The following SLCO3A1 variants were observed in gnomAD, a reference collection of about 807,000 sequenced individuals.
SLCO3A1 encodes solute carrier organic anion transporter family member 3A1.
In SLCO3A1, 27 loss-of-function variants were observed where a neutral mutation model predicts 63.1. The ratio of observed to expected loss-of-function variants is 0.43; its 90% CI spans 0.32 to 0.59. The LOEUF (loss-of-function observed/expected upper bound fraction) is 0.59. Among genes scored for constraint, SLCO3A1 ranks in the 20% least tolerant of loss-of-function variants. The pLI is 0.09. For missense variants in SLCO3A1, 773 were observed against 945.8 expected (o/e 0.82, Z 2.40); for synonymous variants, 473 against 409.9 (o/e 1.15, Z -1.86).
At chr15:92,090,988 G>A (rs1401754698) in intron 2 of SLCO3A1, among the ~76,000 whole-genome samples, 1 of 152,184 alleles carries the variant, frequency 6.6e-6, no homozygotes, top group African/African-American at 2.4e-5. Context: ...GCTGGGAAGT[G>A]GTAGAGCTGG....
chr15:92,023,874 A>G (rs1214631142), intron 2 of SLCO3A1, among the ~76,000 whole-genome samples: 1 of 152,130 alleles, frequency 6.6e-6, no homozygotes, highest in Admixed American at 6.5e-5. Flanking sequence ...ATTGATCCTT[A>G]CCCTAGAGGG....
chr15:91,900,686 C>T lies in SLCO3A1; in HGVS notation c.181-15307C>T, dbSNP rs1482058562. 1.3e-5 allele frequency among the ~76,000 whole-genome samples: 2 copies of T among 152,282 alleles called. No individual in the cohort carries two copies. The highest frequency in any genetic ancestry group is 6.5e-5 in the Admixed American group (1 of 15,302). ...GGTGGGTAGTGGTATCTCATTGTGA[C>T]ATTTTATTTGCATTTCCCTAAAGAC... On this transcript the variant is annotated intron_variant, in intron 1 of 9. Transcript: ENST00000318445. The surrounding 1 kb of genome is among the most constrained non-coding windows in gnomAD (Gnocchi z 4.3).
chr15:92,019,387 G>A (rs1053582118), intron 2 of SLCO3A1, among the ~76,000 whole-genome samples: 4 of 152,208 alleles, frequency 2.6e-5, no homozygotes, highest in Admixed American at 1.3e-4. Flanking sequence ...GGCAAAGCAT[G>A]TAGCTCTTCC....
rs75758067 is a variant in SLCO3A1, at chr15:92,128,494, TGGGATGGGGCAG to T, written c.1512+23_1512+34del. 0.014 allele frequency: 22,880 copies of T among 1,611,622 alleles called. 1,146 individuals are homozygous for T. The African/African-American group carries it at 0.17, about 12-fold the overall frequency. ...TTTGCTGGCTGCAACAGCACGGTAATGGGATGGGGCAGGGGATGGGGCAGGGGATTCAGGCAG... is the reference window on the plus strand; with the variant it reads ...TTTGCTGGCTGCAACAGCACGGTAATGGGATGGGGCAGGGGATTCAGGCAG... On this transcript the variant is annotated splice_donor_region_variant and intron_variant, in intron 7 of 9. Transcript: ENST00000318445.
chr15:92,139,622 G>T (rs1443505354), intron 7 of SLCO3A1, among the ~76,000 whole-genome samples: 10 of 152,050 alleles, frequency 6.6e-5, no homozygotes, highest in Admixed American at 1.3e-4. Flanking sequence ...CTTTTTGGTT[G>T]GTAAACTACT....
chr15:92,128,524 T>G (rs1039701180), intron 7 of SLCO3A1, 35 bp downstream of exon 7: 1 of 1,576,336 alleles, frequency 6.3e-7, no homozygotes, highest in African/African-American at 1.4e-5. Context: ...GGCAGGGGAT[T>G]CAGGCAGCTA....
chr15:91,979,325 A>G (rs764664483), intron 2 of SLCO3A1, among the ~76,000 whole-genome samples: 4 of 152,236 alleles, frequency 2.6e-5, no homozygotes, highest in Non-Finnish European at 5.9e-5. Flanking sequence ...ATTTGATACA[A>G]TAGTCTAACT....
At chr15:92,075,301 A>T (rs1226852959) in intron 2 of SLCO3A1, among the ~76,000 whole-genome samples, 1 of 152,024 alleles carries the variant, frequency 6.6e-6, no homozygotes, top group Admixed American at 6.6e-5. Flanking sequence ...ATTACATGGC[A>T]CGGCTTCTAG....
At chr15:91,857,345 G>A (rs969122379) in intron 1 of SLCO3A1, among the ~76,000 whole-genome samples, 2 of 152,028 alleles carry the variant, frequency 1.3e-5, no homozygotes, top group Non-Finnish European at 2.9e-5. Context: ...AATCTATTAC[G>A]GTTACAAACA....
chr15:91,888,563 T>G (rs1200282536), intron 1 of SLCO3A1, among the ~76,000 whole-genome samples: 1 of 152,148 alleles, frequency 6.6e-6, no homozygotes, highest in Non-Finnish European at 1.5e-5. Flanking sequence ...TCTCAATTTT[T>G]TTTCCTACAA....
chr15:91,916,549 A>G lies in SLCO3A1; in HGVS notation c.646+91A>G, dbSNP rs1325170837. 35 of 969,060 alleles carry G rather than the reference A, an allele frequency of 3.6e-5. No homozygotes were observed. Among genetic ancestry groups the G allele is most frequent in the Non-Finnish European group, 5.0e-5 (33 of 655,050 alleles). The allele number at this position is 969,060 out of a possible 1,614,324, so 60.0% of individuals were successfully genotyped here. On this transcript the variant is annotated intron_variant, in intron 2 of 9. Coordinates refer to ENST00000318445, the MANE Select transcript of SLCO3A1 (RefSeq NM_013272.4). This position sits in a 1 kb window ranked among gnomAD's most constrained non-coding sequence, Gnocchi z 6.2. ...TGGTGGACTTTGATTTTGCCAGAGTACTGGTTCTCAGACTTGGCTGCACAC... is the reference window on the plus strand; with the variant it reads ...TGGTGGACTTTGATTTTGCCAGAGTGCTGGTTCTCAGACTTGGCTGCACAC...
In SLCO3A1 at chr15:91,967,959, C is replaced by T. The variant is rs896075099; in HGVS notation, c.646+51501C>T. On this transcript the variant is annotated intron_variant, in intron 2 of 9. Transcript: ENST00000318445. The surrounding 1 kb of genome is among the most constrained non-coding windows in gnomAD (Gnocchi z 4.4). ...GCTCTCTTCCCTCCTCTTTGCTCCCCTCTTCCTGCAGAGATGCAAGATGGC... is the reference window on the plus strand; with the variant it reads ...GCTCTCTTCCCTCCTCTTTGCTCCCTTCTTCCTGCAGAGATGCAAGATGGC... Among the ~76,000 whole-genome samples, 30 of 152,222 alleles carry T rather than the reference C, an allele frequency of 2.0e-4. No homozygotes were observed. The highest frequency in any genetic ancestry group is 3.3e-4 in the Admixed American group (5 of 15,282).
chr15:91,929,727 C>T (rs560512487), intron 2 of SLCO3A1, among the ~76,000 whole-genome samples: 1 of 152,274 alleles, frequency 6.6e-6, no homozygotes, highest in Admixed American at 6.5e-5. Context: ...CTGGCAACCA[C>T]CATTCTACTT....
At chr15:92,089,599 G>C (rs113918543) in intron 2 of SLCO3A1, among the ~76,000 whole-genome samples, 1 of 152,186 alleles carries the variant, frequency 6.6e-6, no homozygotes, top group South Asian at 2.1e-4. Context: ...TTTGTTGACC[G>C]AGAGTGGTGG....
intron 2 of SLCO3A1, among the ~76,000 whole-genome samples, chr15:92,045,823 A>G (rs1272204447): frequency 6.6e-6 from 1 of 152,188 alleles, no homozygotes; most frequent in Non-Finnish European, 1.5e-5. Context: ...GCCTCCTTGC[A>G]AAGTAGATAG....
intron 2 of SLCO3A1, among the ~76,000 whole-genome samples, chr15:92,074,787 G>T (rs988857823): frequency 2.0e-5 from 3 of 151,552 alleles, no homozygotes; most frequent in South Asian, 2.1e-4. Context: ...GCGGTGGGGG[G>T]TGGCCAGGAG....
Position 91,865,942 on chromosome 15 carries a change from G to A in SLCO3A1, c.180+11854G>A, listed in dbSNP as rs1266261341. On this transcript the variant is annotated intron_variant, in intron 1 of 9. Transcript: ENST00000318445. This position sits in a 1 kb window ranked among gnomAD's most constrained non-coding sequence, Gnocchi z 4.6. The stretch of plus-strand genomic sequence containing the variant: ...ACAAAGGCAAACTCTGTCTTCTTAA[G>A]TGTTTGGGTGAGGTAGGAGGATTGT... 6.6e-6 allele frequency among the ~76,000 whole-genome samples: 1 copy of A among 152,232 alleles called. No homozygotes were observed. Among genetic ancestry groups the A allele is most frequent in the African/African-American group, 2.4e-5 (1 of 41,470 alleles).
chr15:91,993,901 G>A (rs989100893), intron 2 of SLCO3A1, among the ~76,000 whole-genome samples: 4 of 152,170 alleles, frequency 2.6e-5, no homozygotes, highest in African/African-American at 9.7e-5. Context: ...GGAAAGGACC[G>A]CATGGAGAGC....
At chr15:92,094,049 T>G (rs757097507) in intron 2 of SLCO3A1, among the ~76,000 whole-genome samples, 5 of 152,228 alleles carry the variant, frequency 3.3e-5, no homozygotes, top group South Asian at 2.1e-4. Flanking sequence ...GAACTGTCAG[T>G]GCTCAAGAAA....
Sources: allele counts gnomAD v4.1 joint callset (sites outside exome capture counted in the v4.1 genomes callset), GRCh38; gene constraint gnomAD v4.1.1; non-coding constraint Gnocchi (gnomAD v3.1); transcripts MANE v1.5; gene names NCBI Gene and HGNC (gene_info 2026-07-23, HGNC 2026-07-21).